The following MAGI2 variants were observed in gnomAD, a reference collection of about 807,000 sequenced individuals.
MAGI2 encodes membrane-associated guanylate kinase, WW and PDZ domain-containing protein 2.
A neutral mutation model predicts 133.3 loss-of-function variants in MAGI2; 35 were observed. That is an observed-to-expected ratio of 0.26 (90% confidence interval 0.20 to 0.35). The LOEUF is 0.35. Ranked by LOEUF, MAGI2 falls within the 10% of genes least tolerant of loss-of-function variation. The pLI is 1.00. For missense variants in MAGI2, 1,636 were observed against 1,863.4 expected (o/e 0.88, Z 2.25); for synonymous variants, 729 against 710.6 (o/e 1.03, Z -0.41).
intron 16 of MAGI2, among the ~76,000 whole-genome samples, chr7:78,153,421 C>T (rs1393722308): frequency 6.6e-6 from 1 of 152,152 alleles, no homozygotes; most frequent in East Asian, 1.9e-4. Flanking sequence ...CCTCTTGCTG[C>T]CATCAGCCTC....
intron 1 of MAGI2, among the ~76,000 whole-genome samples, chr7:79,297,927 G>C (rs1253823936): frequency 1.3e-5 from 2 of 152,190 alleles, no homozygotes; most frequent in Non-Finnish European, 2.9e-5. Flanking sequence ...TACATTCCTA[G>C]TCAAAATTTA....
intron 1 of MAGI2, among the ~76,000 whole-genome samples, chr7:79,328,892 A>G (rs1839879462): frequency 6.6e-6 from 1 of 152,172 alleles, no homozygotes; most frequent in Admixed American, 6.6e-5. Flanking sequence ...CAGAAGTTTA[A>G]TTGATTGTAT....
At chr7:79,340,819 A>G (rs1036018867) in intron 1 of MAGI2, among the ~76,000 whole-genome samples, 17 of 152,192 alleles carry the variant, frequency 1.1e-4, no homozygotes, top group Admixed American at 4.6e-4. Context: ...CTAGTCTTCT[A>G]TCTTAAACTC....
intron 2 of MAGI2, among the ~76,000 whole-genome samples, chr7:78,745,000 A>G (rs758166788): frequency 6.6e-6 from 1 of 152,186 alleles, no homozygotes; most frequent in Non-Finnish European, 1.5e-5. Context: ...CCTAACAAAC[A>G]TTAACACGAT....
At chr7:78,733,057 C>T (rs1001708468) in intron 2 of MAGI2, among the ~76,000 whole-genome samples, 22 of 152,004 alleles carry the variant, frequency 1.4e-4, no homozygotes, top group Non-Finnish European at 1.8e-4. Flanking sequence ...AGGATTAGAG[C>T]TTTAAAAACA....
chr7:78,885,685 A>G lies in MAGI2; in HGVS notation c.418+121405T>C, dbSNP rs544455105. 3.3e-5 allele frequency among the ~76,000 whole-genome samples: 5 copies of G among 151,928 alleles called. No individual in the cohort carries two copies. The South Asian group carries it at 1.0e-3, about 32-fold the overall frequency. ...ATATAAAATATATTTACACATTTCC[A>G]TGTTTAAAATGTATACATACTTTGA... On this transcript the variant is annotated intron_variant, in intron 2 of 21. Transcript: ENST00000354212.
At chr7:79,098,053 C>T (rs559225482) in intron 1 of MAGI2, among the ~76,000 whole-genome samples, 3 of 152,236 alleles carry the variant, frequency 2.0e-5, no homozygotes, top group South Asian at 2.1e-4. Context: ...ATCCGGGAGG[C>T]GGAGGCTGCA....
At chr7:79,388,135 T>C (rs1413572934) in intron 1 of MAGI2, among the ~76,000 whole-genome samples, 2 of 152,014 alleles carry the variant, frequency 1.3e-5, no homozygotes, top group Non-Finnish European at 2.9e-5. Context: ...TTATAGTTTT[T>C]CCTTTGGCTC....
At chr7:79,239,485 G>A (rs929232246) in intron 1 of MAGI2, among the ~76,000 whole-genome samples, 3 of 152,030 alleles carry the variant, frequency 2.0e-5, no homozygotes, top group Non-Finnish European at 4.4e-5. Flanking sequence ...AAACTTTACC[G>A]ACCGTAATAC....
chr7:78,899,393 C>T lies in MAGI2; in HGVS notation c.418+107697G>A, dbSNP rs569977629. Among the ~76,000 whole-genome samples, 9 of 152,168 alleles carry T rather than the reference C, an allele frequency of 5.9e-5. No homozygotes were observed. In the South Asian group the frequency reaches 1.5e-3, roughly 25 times the overall value. ...GACCAAGCACTTGGTCCCAAGATAC[C>T]GACAGGATCCCAACCTTGATGTGAT... is the stretch of plus-strand genomic sequence containing the variant. On this transcript the variant is annotated intron_variant, in intron 2 of 21. Coordinates refer to ENST00000354212, the MANE Select transcript of MAGI2 (RefSeq NM_012301.4).
At chr7:79,328,475 A>G (rs973420786) in intron 1 of MAGI2, among the ~76,000 whole-genome samples, 8 of 152,202 alleles carry the variant, frequency 5.3e-5, no homozygotes, top group Admixed American at 5.2e-4. Flanking sequence ...GAAGAGGGAA[A>G]GAAGAATTTT....
rs186341768 is a variant in MAGI2 at position 78,432,484 on chromosome 7, G to A, written c.1045+57277C>T. On this transcript the variant is annotated intron_variant, in intron 6 of 21. Transcript: ENST00000354212. ...TAAGATTCTCAAGAAAATAAGCTAC[G>A]TGTGATTTTTTCAAATGTCCTAAAA... is the stretch of plus-strand genomic sequence containing the variant. Among the ~76,000 whole-genome samples the A allele has an allele frequency of 2.5e-3, 374 of 152,156 alleles. 2 individuals carry two copies. The highest frequency in any genetic ancestry group is 8.6e-3 in the African/African-American group (359 of 41,554).
chr7:78,826,075 A>G (rs1193269126), intron 2 of MAGI2, among the ~76,000 whole-genome samples: 3 of 152,116 alleles, frequency 2.0e-5, no homozygotes, highest in African/African-American at 2.4e-5. Context: ...TTAATAGGCC[A>G]GGCACGGTGG....
intron 1 of MAGI2, among the ~76,000 whole-genome samples, chr7:79,167,854 T>C (rs866431910): frequency 5.9e-5 from 9 of 152,254 alleles, no homozygotes; most frequent in Middle Eastern, 6.8e-3. Flanking sequence ...TGTGACATGT[T>C]CATGATGGCC....
At chr7:78,880,505 C>A (rs1199470476) in intron 2 of MAGI2, among the ~76,000 whole-genome samples, 4 of 152,270 alleles carry the variant, frequency 2.6e-5, no homozygotes, top group African/African-American at 7.2e-5. Context: ...GAAATGAAAT[C>A]ATTTCCAGAC....
At chr7:78,420,401 C>T (rs886542273) in intron 6 of MAGI2, among the ~76,000 whole-genome samples, 1 of 152,174 alleles carries the variant, frequency 6.6e-6, no homozygotes, top group Non-Finnish European at 1.5e-5. Context: ...AACAACTGTT[C>T]TCTTGAGAAA....
rs34186484 is a variant in MAGI2 at position 79,071,626 on chromosome 7, A to AT, written c.302-64421dup. Among the ~76,000 whole-genome samples the AT allele has an allele frequency of 1.2e-3, 171 of 146,994 alleles. 1 individual carries two copies. Among genetic ancestry groups the AT allele is most frequent in the East Asian group, 6.5e-3 (32 of 4,936 alleles). On this transcript the variant is annotated intron_variant, in intron 1 of 21. Coordinates refer to ENST00000354212, the MANE Select transcript of MAGI2 (RefSeq NM_012301.4). ...TAAGTCCCTGACTGGGCTTCCTGCA[A>AT]TTTTTTTTTTTTTTTTCCAGAGATG...
chr7:78,991,210 G>T (rs1805736716), intron 2 of MAGI2, among the ~76,000 whole-genome samples: 1 of 151,388 alleles, frequency 6.6e-6, no homozygotes, highest in East Asian at 2.0e-4. Flanking sequence ...GTTTCCTGTG[G>T]CCTCCCTGGC....
chr7:78,162,180 T>C (rs1825091571), intron 15 of MAGI2, among the ~76,000 whole-genome samples: 1 of 152,166 alleles, frequency 6.6e-6, no homozygotes, highest in African/African-American at 2.4e-5. Context: ...AAGAGAGATC[T>C]CATTTTCTGG....
Sources: allele counts gnomAD v4.1 joint callset (sites outside exome capture counted in the v4.1 genomes callset), GRCh38; gene constraint gnomAD v4.1.1; transcripts MANE v1.5; gene names NCBI Gene and HGNC (gene_info 2026-07-23, HGNC 2026-07-21).